Variants in HEY2 observed in about 807,000 individuals in gnomAD.
HEY2 encodes the protein hes related family bHLH transcription factor with YRPW motif 2.
Under a neutral mutation model 18.1 loss-of-function variants are expected in HEY2, and 10 were observed. The ratio of observed to expected loss-of-function variants is 0.55; its 90% CI spans 0.34 to 0.94. HEY2 has a LOEUF of 0.94. Among genes scored for constraint, HEY2 ranks in the 40% least tolerant of loss-of-function variants. The pLI is 0.02. For synonymous variants in HEY2, 210 were observed against 182.7 expected (o/e 1.15, Z -1.21); for missense variants, 455 against 455.9 (o/e 1.00, Z 0.02).
chr6:125,749,722 C>G lies in HEY2; in HGVS notation c.-55C>G. On this transcript the variant is annotated 5_prime_UTR_variant, in exon 1 of 5. Transcript: ENST00000368364. ...GGAGGCGGGCGTCAGGGTGCTGCGC[C>G]CCGCTCGGCGTCCGAGCTTCCGGCC... 7.0e-7 allele frequency: 1 copy of G among 1,424,308 alleles called. No homozygotes were observed. The highest frequency in any genetic ancestry group is 9.6e-7 in the Non-Finnish European group (1 of 1,041,398). The allele number at this position is 1,424,308 out of a possible 1,614,324, so 88.2% of individuals were successfully genotyped here. A position where few individuals can be genotyped will look rare whatever the true frequency, so the allele number is the denominator to read the frequency against.
rs565963394 is a variant in HEY2, at chr6:125,759,336, A to C, written c.548A>C (p.His183Pro). ...CACCACCATCATCCGCTCCACCCGC[A>C]TCACTGGGCCGCCGCCTTCCACCAC... ...MAHHHHPLHP[H>P]HWAAAFHHLP... Residue 183 changes from histidine to proline, a missense_variant, in exon 5 of 5, where the codon CAT becomes CCT. Physicochemically the swap from His to Pro is moderately conservative, Grantham distance 77 (BLOSUM62 -2). Transcript: ENST00000368364. 2 of 1,604,652 alleles carry C rather than the reference A, an allele frequency of 1.2e-6. No individual in the cohort carries two copies. Among genetic ancestry groups the C allele is most frequent in the African/African-American group, 2.7e-5 (2 of 74,990 alleles).
chr6:125,760,024 C>T lies in HEY2; in HGVS notation c.*222C>T. The T allele has an allele frequency of 3.5e-6, 2 of 570,864 alleles. No individual in the cohort carries two copies. Among genetic ancestry groups the T allele is most frequent in the Non-Finnish European group, 6.2e-6 (2 of 323,520 alleles). 35.4% of individuals were successfully genotyped at this position (570,864 alleles called of 1,614,324 possible). A position where few individuals can be genotyped will look rare whatever the true frequency, so the allele number is the denominator to read the frequency against. On this transcript the variant is annotated 3_prime_UTR_variant, in exon 5 of 5. Coordinates refer to ENST00000368364, the MANE Select transcript of HEY2 (RefSeq NM_012259.3). ...GCAGCTCGGTAACTGACATCAGCAA[C>T]TTTTGAAAACTTCACACTTGTTACC... is the stretch of plus-strand genomic sequence containing the variant.
At chr6:125,752,500 G>C (rs1773573217) in intron 3 of HEY2, among the ~76,000 whole-genome samples, 1 of 146,852 alleles carries the variant, frequency 6.8e-6, no homozygotes, top group East Asian at 2.0e-4. Flanking sequence ...AAAACAATCA[G>C]AGCCCAAGAA....
rs1332038534 is a variant in HEY2, at chr6:125,759,114, T to A, written c.329-3T>A. The A allele has an allele frequency of 6.3e-7, 1 of 1,585,264 alleles. No individual in the cohort carries two copies. Among genetic ancestry groups the A allele is most frequent in the Admixed American group, 1.8e-5 (1 of 56,934 alleles). Reference sequence around the variant, plus strand: ...TCCCTACTTTGCTCAAACCCACTTTTAGGCTACTTTGACGCACACGCTCTT... The same window carrying A: ...TCCCTACTTTGCTCAAACCCACTTTAAGGCTACTTTGACGCACACGCTCTT... On this transcript the variant is annotated splice_polypyrimidine_tract_variant and splice_region_variant and intron_variant, in intron 4 of 4. Coordinates refer to ENST00000368364, the MANE Select transcript of HEY2 (RefSeq NM_012259.3).
At position 125,759,267 on chromosome 6, in the gene HEY2, G is replaced by T; in HGVS notation, c.479G>T (p.Cys160Phe). Residue 160 changes from cysteine to phenylalanine, a missense_variant, in exon 5 of 5, where the codon TGC becomes TTC. By Grantham distance (205) the Cys-to-Phe change is radical. Transcript: ENST00000368364. ...RVRLVSHLST[C>F]ATQREAAAMT... ...CGGCTTGTGTCTCATCTCAGCACTT[G>T]CGCCACCCAGCGGGAGGCGGCGGCC... 2 of 1,607,774 alleles carry T rather than the reference G, an allele frequency of 1.2e-6. No individual in the cohort carries two copies. Among genetic ancestry groups the T allele is most frequent in the Non-Finnish European group, 1.7e-6 (2 of 1,179,984 alleles).
Position 125,751,887 on chromosome 6 carries a change from AT to A in HEY2, c.162+13del, listed in dbSNP as rs763412765. 5.0e-6 allele frequency: 8 copies of A among 1,608,342 alleles called. No homozygotes were observed. The Admixed American group carries it at 1.3e-4, about 27-fold the overall frequency. On this transcript the variant is annotated intron_variant, in intron 2 of 4. Coordinates refer to ENST00000368364, the MANE Select transcript of HEY2 (RefSeq NM_012259.3). Reference sequence around the variant, plus strand: ...AGAAAGAAAAGGAGAGGGGTATGTGATTTTTCCCCCTTTTTATTTCATGTAA... The same window carrying A: ...AGAAAGAAAAGGAGAGGGGTATGTGATTTTCCCCCTTTTTATTTCATGTAA...
At chr6:125,751,611 G>A (rs1300949675) in intron 1 of HEY2, among the ~76,000 whole-genome samples, 190 bp from the exon 2 acceptor site, 1 of 152,162 alleles carries the variant, frequency 6.6e-6, no homozygotes, top group South Asian at 2.1e-4. Context: ...AAATTAAGGC[G>A]TAATTTTTAC....
Position 125,749,732 on chromosome 6 carries a change from G to C in HEY2, c.-45G>C. 6.7e-7 allele frequency: 1 copy of C among 1,488,644 alleles called. No homozygotes were observed. The allele number at this position is 1,488,644 out of a possible 1,614,324, so 92.2% of individuals were successfully genotyped here. ...GTCAGGGTGCTGCGCCCCGCTCGGC[G>C]TCCGAGCTTCCGGCCGGGCTGTGCC... On this transcript the variant is annotated 5_prime_UTR_variant, in exon 1 of 5. Transcript: ENST00000368364.
intron 1 of HEY2, chr6:125,750,194 C>G: frequency 1.0e-6 from 1 of 956,140 alleles, no homozygotes; most frequent in Non-Finnish European, 1.2e-6. Flanking sequence ...CCACTGAAAC[C>G]GTATTTGGGG....
At chr6:125,752,966 C>A (rs537996188) in intron 3 of HEY2, among the ~76,000 whole-genome samples, 1 of 152,300 alleles carries the variant, frequency 6.6e-6, no homozygotes, top group East Asian at 1.9e-4. Flanking sequence ...CTACAAAGTC[C>A]TTGGAAATTA....
chr6:125,755,523 G>A (rs909517820), intron 4 of HEY2, among the ~76,000 whole-genome samples: 23 of 152,148 alleles, frequency 1.5e-4, no homozygotes, highest in Non-Finnish European at 3.1e-4. Flanking sequence ...CACTGTATAC[G>A]GGTCCTAGAT....
intron 3 of HEY2, 127 bp downstream of exon 3, chr6:125,752,217 A>T: frequency 1.6e-6 from 1 of 626,368 alleles, no homozygotes; most frequent in Non-Finnish European, 2.8e-6. Context: ...ATAATAGTGT[A>T]TGTGCCCTGA....
chr6:125,758,273 A>G (rs538394353), intron 4 of HEY2, among the ~76,000 whole-genome samples: 1 of 152,362 alleles, frequency 6.6e-6, no homozygotes, highest in South Asian at 2.1e-4. Flanking sequence ...TTTTTATGGT[A>G]GTAACCATAG....
At chr6:125,755,567 T>C (rs1385936383) in intron 4 of HEY2, among the ~76,000 whole-genome samples, 1 of 152,152 alleles carries the variant, frequency 6.6e-6, no homozygotes, top group African/African-American at 2.4e-5. Flanking sequence ...GGGAAGCAAC[T>C]GTTACCAATA....
intron 3 of HEY2, among the ~76,000 whole-genome samples, chr6:125,754,071 T>C (rs977482077): frequency 4.6e-5 from 7 of 152,238 alleles, no homozygotes; most frequent in African/African-American, 1.7e-4. Flanking sequence ...GCAACTCCTC[T>C]AGACTTTGGC....
rs1445524147 is a variant in HEY2 at position 125,760,813 on chromosome 6, T to A, written c.*1011T>A. On this transcript the variant is annotated 3_prime_UTR_variant, in exon 5 of 5. Coordinates refer to ENST00000368364, the MANE Select transcript of HEY2 (RefSeq NM_012259.3). ...GGAGAAGTTACATTTCTGGAGGTGA[T>A]GAAGCAAGGAGGGAGCACTAGGAAG... 1.3e-5 allele frequency: 2 copies of A among 152,658 alleles called. No individual in the cohort carries two copies. The highest frequency in any genetic ancestry group is 2.9e-5 in the Non-Finnish European group (2 of 68,034). The allele number at this position is 152,658 out of a possible 1,614,324, so 9.5% of individuals were successfully genotyped here.
In HEY2 at chr6:125,760,169, T is replaced by C. The variant is rs564321643; in HGVS notation, c.*367T>C. ...CTTGAGACTAGATGGGACATACATA[T>C]ATAGAGAGAGAGTGAGAGAGTCGTG... On this transcript the variant is annotated 3_prime_UTR_variant, in exon 5 of 5. Transcript: ENST00000368364. The C allele has an allele frequency of 4.1e-5, 9 of 221,942 alleles. No homozygotes were observed. Among genetic ancestry groups the C allele is most frequent in the East Asian group, 1.3e-4 (1 of 7,696 alleles). 13.7% of individuals were successfully genotyped at this position (221,942 alleles called of 1,614,324 possible).
At chr6:125,753,809 GCTT>G (rs1773597823) in intron 3 of HEY2, among the ~76,000 whole-genome samples, 1 of 152,068 alleles carries the variant, frequency 6.6e-6, no homozygotes, top group South Asian at 2.1e-4. Context: ...GTAAATTATT[GCTT>G]CTTGTTTGTG....
intron 3 of HEY2, 141 bp from the exon 4 acceptor site, chr6:125,754,324 C>T (rs187077769): frequency 3.0e-5 from 13 of 432,640 alleles, no homozygotes; most frequent in Admixed American, 1.3e-4. Flanking sequence ...GGAAAGAATT[C>T]GAAGTTTTCT....
Sources: allele counts gnomAD v4.1 joint callset (sites outside exome capture counted in the v4.1 genomes callset), GRCh38; gene constraint gnomAD v4.1.1; transcripts MANE v1.5; gene names NCBI Gene and HGNC (gene_info 2026-07-23, HGNC 2026-07-21).